The following HSD17B12 variants were observed in gnomAD, a reference collection of about 807,000 sequenced individuals.
HSD17B12 encodes the protein hydroxysteroid 17-beta dehydrogenase 12.
Under a neutral mutation model 39.3 loss-of-function variants are expected in HSD17B12, and 32 were observed. The observed-to-expected ratio is 0.81, with a 90% CI of 0.61 to 1.09. The LOEUF (loss-of-function observed/expected upper bound fraction) is 1.09, where lower values mean the gene tolerates loss of function less well. Ranked by LOEUF, HSD17B12 falls within the 50% of genes least tolerant of loss-of-function variation. The probability of loss-of-function intolerance (pLI) is 0.00; values close to 1 mark genes in which losing one functional copy is unlikely to be tolerated. For synonymous variants in HSD17B12, 150 were observed against 146.7 expected (o/e 1.02, Z -0.16); for missense variants, 342 against 382.9 (o/e 0.89, Z 0.89).
At chr11:43,778,766 C>G (rs946224535) in intron 3 of HSD17B12, among the ~76,000 whole-genome samples, 41 of 152,010 alleles carry the variant, frequency 2.7e-4, no homozygotes, top group Non-Finnish European at 5.0e-4. Flanking sequence ...GCAGAAAAGG[C>G]CTTTGACAAA....
chr11:43,690,288 ATGTC>A (rs1023833223), intron 1 of HSD17B12, among the ~76,000 whole-genome samples: 7 of 148,332 alleles, frequency 4.7e-5, no homozygotes, highest in Non-Finnish European at 1.5e-5. Context: ...ACCTAGAACA[ATGTC>A]TGTACACAGT....
At chr11:43,687,142 A>G (rs2134770549) in intron 1 of HSD17B12, among the ~76,000 whole-genome samples, 1 of 152,336 alleles carries the variant, frequency 6.6e-6, no homozygotes, top group East Asian at 1.9e-4. Context: ...TTAAATGTAT[A>G]TTTTAAAAAC....
At chr11:43,845,295 A>G (rs1039239587) in intron 9 of HSD17B12, among the ~76,000 whole-genome samples, 10 of 152,236 alleles carry the variant, frequency 6.6e-5, no homozygotes, top group African/African-American at 2.4e-4. Flanking sequence ...GAATAAGGAT[A>G]TTCTCATATG....
intron 4 of HSD17B12, among the ~76,000 whole-genome samples, chr11:43,801,622 A>AGTTGGAG (rs1950969958): frequency 1.0e-4 from 2 of 19,972 alleles, no homozygotes; most frequent in Non-Finnish European, 3.0e-4. Flanking sequence ...ATATATATAT[A>AGTTGGAG]TATATATATG....
chr11:43,744,596 A>G (rs889973492), intron 1 of HSD17B12, among the ~76,000 whole-genome samples: 1 of 152,254 alleles, frequency 6.6e-6, no homozygotes, highest in Non-Finnish European at 1.5e-5. Context: ...ATAAGGAGAC[A>G]TGATGACTAA....
intron 1 of HSD17B12, among the ~76,000 whole-genome samples, chr11:43,707,767 T>C (rs1950029000): frequency 2.6e-5 from 4 of 152,330 alleles, no homozygotes; most frequent in Admixed American, 6.5e-5. Flanking sequence ...TCACCTGTTA[T>C]TTTTCCCGCA....
chr11:43,742,112 A>AATATATATATATATATATAT (rs1168038073), intron 1 of HSD17B12, among the ~76,000 whole-genome samples: 1 of 93,176 alleles, frequency 1.1e-5, no homozygotes, highest in African/African-American at 4.3e-5. Flanking sequence ...AGGCAAAGGA[A>AATATATATATATATATATAT]ATATATATAT....
the HSD17B12 span, among the ~76,000 whole-genome samples, chr11:43,638,704 C>T: frequency 8.5e-5 from 13 of 152,104 alleles, 1 homozygote; most frequent in South Asian, 8.3e-4. Context: ...ATTAATATAT[C>T]GTGGTGTTTT....
chr11:43,679,734 CA>C (rs1949722998), upstream of HSD17B12, among the ~76,000 whole-genome samples: 1 of 152,198 alleles, frequency 6.6e-6, no homozygotes, highest in Non-Finnish European at 1.5e-5. Flanking sequence ...ATTCACCATA[CA>C]GCTCTGATGC....
At chr11:43,715,437 G>T (rs1426607506) in intron 1 of HSD17B12, among the ~76,000 whole-genome samples, 2 of 152,088 alleles carry the variant, frequency 1.3e-5, no homozygotes, top group African/African-American at 4.8e-5. Context: ...TTATTGATTT[G>T]GGTATGTCGA....
intron 10 of HSD17B12, 90 bp from the exon 11 acceptor site, chr11:43,855,054 C>A: frequency 1.8e-6 from 2 of 1,117,262 alleles, no homozygotes; most frequent in South Asian, 1.6e-5. Flanking sequence ...TAAATAAAAA[C>A]AACACTATAA....
chr11:43,609,482 C>T, the HSD17B12 span, among the ~76,000 whole-genome samples: 1 of 151,928 alleles, frequency 6.6e-6, no homozygotes, highest in South Asian at 2.1e-4. Context: ...CCTCCCATCT[C>T]AGCCTCCCAA....
At chr11:43,793,473 G>A (rs1950887995) in intron 3 of HSD17B12, among the ~76,000 whole-genome samples, 1 of 151,966 alleles carries the variant, frequency 6.6e-6, no homozygotes, top group Admixed American at 6.6e-5. Context: ...GCCACCTAGG[G>A]GAAAAACTTG....
the HSD17B12 span, among the ~76,000 whole-genome samples, chr11:43,663,456 T>C: frequency 1.3e-5 from 2 of 152,020 alleles, no homozygotes; most frequent in African/African-American, 4.8e-5. Flanking sequence ...GGTCTCAAAC[T>C]CCTAGCCTCA....
At chr11:43,748,699 G>C (rs567998039) in intron 1 of HSD17B12, among the ~76,000 whole-genome samples, 1 of 152,208 alleles carries the variant, frequency 6.6e-6, no homozygotes, top group South Asian at 2.1e-4. Context: ...CTGTAATTAG[G>C]TTCTCCCACA....
At chr11:43,621,769 C>T in the HSD17B12 span, among the ~76,000 whole-genome samples, 1 of 152,184 alleles carries the variant, frequency 6.6e-6, no homozygotes, top group African/African-American at 2.4e-5. Context: ...GACAATAATT[C>T]TCCAACTAGA....
At chr11:43,781,107 T>C (rs1314235684) in intron 3 of HSD17B12, among the ~76,000 whole-genome samples, 1 of 152,214 alleles carries the variant, frequency 6.6e-6, no homozygotes, top group Non-Finnish European at 1.5e-5. Flanking sequence ...CAACGCCTCC[T>C]CATAAGGTCT....
chr11:43,799,126 AC>A (rs760013710), intron 4 of HSD17B12, among the ~76,000 whole-genome samples: 2 of 151,954 alleles, frequency 1.3e-5, no homozygotes, highest in Non-Finnish European at 2.9e-5. Context: ...GTTCACTATT[AC>A]CCCCCGAGAA....
chr11:43,840,151 T>A (rs1951411727), intron 9 of HSD17B12, 87 bp downstream of exon 9: 1 of 1,043,698 alleles, frequency 9.6e-7, no homozygotes, highest in Admixed American at 2.3e-5. Flanking sequence ...ACAAAAAAAA[T>A]CATATTCCTA....
Sources: gnomAD v4.1 joint callset for allele counts (sites outside exome capture counted in the v4.1 genomes callset) on GRCh38, gnomAD v4.1.1 for gene constraint, MANE v1.5 for transcripts, NCBI Gene and HGNC (gene_info 2026-07-23, HGNC 2026-07-21) for gene names.